Variants in MTCL1 observed in about 807,000 individuals in gnomAD.
MTCL1 encodes the protein microtubule crosslinking factor 1.
MTCL1 carries 79 observed loss-of-function variants against 141.4 expected under a neutral mutation model. The ratio of observed to expected loss-of-function variants is 0.56; its 90% CI spans 0.47 to 0.67. MTCL1 has a LOEUF of 0.67. Ranked by LOEUF, MTCL1 falls within the 30% of genes least tolerant of loss-of-function variation. The probability of loss-of-function intolerance (pLI) is 0.00; values close to 1 mark genes in which losing one functional copy is unlikely to be tolerated. For missense variants in MTCL1, 2,177 were observed against 2,113.9 expected (o/e 1.03, Z -0.59); for synonymous variants, 914 against 875.8 (o/e 1.04, Z -0.77).
chr18:8,714,562 A>C (rs936945606), upstream of MTCL1, among the ~76,000 whole-genome samples: 1 of 152,152 alleles, frequency 6.6e-6, no homozygotes, highest in East Asian at 1.9e-4. Context: ...AAAGACACAT[A>C]TTACATGGAG....
At chr18:8,761,435 A>G (rs946176322) in intron 4 of MTCL1, among the ~76,000 whole-genome samples, 2 of 152,218 alleles carry the variant, frequency 1.3e-5, no homozygotes, top group South Asian at 2.1e-4. Context: ...ACCATTATCT[A>G]TTTCAAGAAC....
chr18:8,816,313 G>GA (rs1427536226), intron 12 of MTCL1, among the ~76,000 whole-genome samples: 2 of 152,206 alleles, frequency 1.3e-5, no homozygotes, highest in African/African-American at 2.4e-5. Context: ...TACAGATGGT[G>GA]AAAGCAGTAA....
At chr18:8,777,249 C>A (rs2096514815) in intron 4 of MTCL1, among the ~76,000 whole-genome samples, 1 of 152,112 alleles carries the variant, frequency 6.6e-6, no homozygotes, top group African/African-American at 2.4e-5. Context: ...AAATAAAAAA[C>A]AACAACAACA....
At chr18:8,715,034 G>A (rs1475372740), upstream of MTCL1, among the ~76,000 whole-genome samples, 1 of 152,180 alleles carries the variant, frequency 6.6e-6, no homozygotes, top group Non-Finnish European at 1.5e-5. Flanking sequence ...CTGACCTTGT[G>A]ATCCGCCCGC....
At chr18:8,812,993 T>C (rs1247140011) in exon 12 of MTCL1, 10 of 1,611,764 alleles carry the variant, frequency 6.2e-6, no homozygotes, top group Non-Finnish European at 7.6e-6. Context: ...AAGAGAAGAC[T>C]GAGAACAAGT....
At chr18:8,736,318 C>T (rs377394616) in intron 4 of MTCL1, among the ~76,000 whole-genome samples, 23 of 152,094 alleles carry the variant, frequency 1.5e-4, no homozygotes, top group African/African-American at 3.9e-4. Context: ...GGGTTACATC[C>T]GATAAACCCA....
chr18:8,720,277 T>A (rs2096160684), intron 3 of MTCL1, 61 bp from the exon 3 acceptor site: 1 of 1,562,410 alleles, frequency 6.4e-7, no homozygotes, highest in East Asian at 2.2e-5. Context: ...TGTTGTCTGA[T>A]AGTACCCTTA....
intron 13 of MTCL1, among the ~76,000 whole-genome samples, chr18:8,820,853 A>G (rs1460466092): frequency 6.6e-6 from 1 of 152,202 alleles, no homozygotes; most frequent in Admixed American, 6.5e-5. Flanking sequence ...CATCAGCACA[A>G]GAGTGTTTTC....
At chr18:8,776,898 A>T (rs1187518307) in intron 4 of MTCL1, among the ~76,000 whole-genome samples, 2 of 152,152 alleles carry the variant, frequency 1.3e-5, no homozygotes, top group Non-Finnish European at 2.9e-5. Flanking sequence ...AGTAGCTGAG[A>T]CTACAGGCAC....
chr18:8,784,495 C>T (rs762972991), exon 6 of MTCL1: 3 of 1,583,882 alleles, frequency 1.9e-6, no homozygotes, highest in Non-Finnish European at 2.6e-6. Context: ...AACACGAGGC[C>T]CAGCGGCTAG....
intron 10 of MTCL1, chr18:8,802,025 T>A (rs2076139814): frequency 6.6e-6 from 1 of 152,236 alleles, no homozygotes; most frequent in African/African-American, 2.4e-5. Flanking sequence ...GAAAAGAACT[T>A]TTCTGGATGT....
At chr18:8,715,011 T>C (rs1195280134), upstream of MTCL1, among the ~76,000 whole-genome samples, 1 of 152,188 alleles carries the variant, frequency 6.6e-6, no homozygotes, top group East Asian at 1.9e-4. Flanking sequence ...TTAGCCAGGA[T>C]GGTCTTGATC....
intron 4 of MTCL1, among the ~76,000 whole-genome samples, chr18:8,721,734 A>T (rs1318656339): frequency 6.6e-6 from 1 of 152,046 alleles, no homozygotes; most frequent in African/African-American, 2.4e-5. Context: ...TTATTTGTCT[A>T]TTGTCACCGC....
intron 4 of MTCL1, among the ~76,000 whole-genome samples, chr18:8,771,297 G>A: frequency 6.6e-6 from 1 of 152,056 alleles, no homozygotes; most frequent in African/African-American, 2.4e-5. Context: ...TTTAATATGA[G>A]TAAAGGAATC....
chr18:8,795,662 C>T (rs2075891491), intron 8 of MTCL1, among the ~76,000 whole-genome samples: 1 of 152,192 alleles, frequency 6.6e-6, no homozygotes, highest in African/African-American at 2.4e-5. Flanking sequence ...CTATCAGACT[C>T]ACTTTTCTGT....
rs142419048 is a variant in MTCL1, at chr18:8,774,602, C to A, written c.358-3231C>A. ...TCCCGGGTTCAAGCAATTCTCCTGC[C>A]TTTGTCTCCTGAGTAGCTGGGATTA... is the stretch of plus-strand genomic sequence containing the variant. On this transcript the variant is annotated intron_variant, in intron 4 of 16. Coordinates refer to ENST00000359865, the Ensembl canonical transcript of MTCL1. 8.5e-3 allele frequency among the ~76,000 whole-genome samples: 1,288 copies of A among 152,312 alleles called. 16 individuals carry two copies. Among genetic ancestry groups the A allele is most frequent in the African/African-American group, 0.029 (1,213 of 41,562 alleles).
chr18:8,797,378 A>C (rs984177501), intron 9 of MTCL1, among the ~76,000 whole-genome samples: 2 of 152,222 alleles, frequency 1.3e-5, no homozygotes, highest in African/African-American at 2.4e-5. Flanking sequence ...TTATAATAGA[A>C]ACAGAAGCGA....
rs75682705 is a variant in MTCL1, at chr18:8,771,899, C to A, written c.358-5934C>A. On this transcript the variant is annotated intron_variant, in intron 4 of 16. Transcript: ENST00000359865. ...GGGGTTCCTGTTATTTAATAGTCTG[C>A]ATTTACCTGTTCCCTTCATTGTTCC... Among the ~76,000 whole-genome samples, 1,123 of 152,360 alleles carry A rather than the reference C, an allele frequency of 7.4e-3. 6 individuals carry two copies. Among genetic ancestry groups the A allele is most frequent in the Non-Finnish European group, 0.01 (698 of 68,032 alleles).
chr18:8,814,035 A>G (rs762277845), intron 12 of MTCL1, among the ~76,000 whole-genome samples: 1 of 152,226 alleles, frequency 6.6e-6, no homozygotes, highest in Non-Finnish European at 1.5e-5. Flanking sequence ...TGAGGTCTCA[A>G]GGAAATGTAT....
Sources: allele counts gnomAD v4.1 joint callset (sites outside exome capture counted in the v4.1 genomes callset), GRCh38; gene constraint gnomAD v4.1.1; transcripts MANE v1.5; gene names NCBI Gene and HGNC (gene_info 2026-07-23, HGNC 2026-07-21).